The following KRT86 variants were observed in gnomAD, a reference collection of about 807,000 sequenced individuals.
KRT86 encodes keratin, type II cuticular Hb6.
A neutral mutation model predicts 41.2 loss-of-function variants in KRT86; 30 were observed. The ratio of observed to expected loss-of-function variants is 0.73; its 90% confidence interval spans 0.54 to 0.99. The LOEUF is 0.99. Ranked by LOEUF, KRT86 falls within the 50% of genes least tolerant of loss-of-function variation. The pLI, the probability that KRT86 is intolerant of heterozygous loss-of-function variation, is 0.00. For synonymous variants in KRT86, 238 were observed against 238.1 expected (o/e 1.00, Z 0.00); for missense variants, 561 against 571.4 (o/e 0.98, Z 0.19).
At chr12:52,298,874 G>C (rs1938309277) in intron 2 of KRT86, among the ~76,000 whole-genome samples, 1 of 152,044 alleles carries the variant, frequency 6.6e-6, no homozygotes, top group Non-Finnish European at 1.5e-5. Context: ...GATATTTTGA[G>C]ATAAGCATAA....
intron 2 of KRT86, among the ~76,000 whole-genome samples, chr12:52,280,697 T>G (rs1021505353): frequency 6.6e-6 from 1 of 152,210 alleles, no homozygotes. Flanking sequence ...ACATCAGCCC[T>G]GGTTGATAAA....
chr12:52,302,792 A>ATAG (rs1339266592), intron 3 of KRT86, among the ~76,000 whole-genome samples: 3 of 144,262 alleles, frequency 2.1e-5, no homozygotes, highest in African/African-American at 2.6e-5. Context: ...ACCTAGTTTC[A>ATAG]TAGTGAGGGA....
intron 9 of KRT86, 35 bp from the exon 10 acceptor site, chr12:52,308,198 C>T (rs925684181): frequency 3.1e-6 from 5 of 1,614,092 alleles, no homozygotes; most frequent in Non-Finnish European, 4.2e-6. Flanking sequence ...GGCGCCTTTT[C>T]CGCGGCACTG....
chr12:52,277,718 T>G (rs1251694255), intron 2 of KRT86: 3 of 152,840 alleles, frequency 2.0e-5, no homozygotes. Flanking sequence ...TGCTGGAGGG[T>G]GAAGAGAGTG....
At chr12:52,301,269 A>G (rs1565747166) in intron 2 of KRT86, among the ~76,000 whole-genome samples, 1 of 151,926 alleles carries the variant, frequency 6.6e-6, no homozygotes, top group Admixed American at 6.6e-5. Flanking sequence ...GAGAGAAAAA[A>G]ACATGTTGAT....
rs200241229 is a variant in KRT86 at position 52,283,470 on chromosome 12, ATTTTTTTTT to A, written c.-5+7541_-5+7549del. 9.4e-3 allele frequency among the ~76,000 whole-genome samples: 617 copies of A among 65,406 alleles called. 9 individuals carry two copies. The highest frequency in any genetic ancestry group is 0.043 in the African/African-American group (590 of 13,766). 42.9% of individuals were successfully genotyped at this position (65,406 alleles called of 152,430 possible). On this transcript the variant is annotated intron_variant, in intron 2 of 10. Coordinates refer to ENST00000423955, the MANE Select transcript of KRT86 (RefSeq NM_001320198.2). ...ATGTTAGTAGCCACCTAATCCAAGCATTTTTTTTTTTTTTTTTTTTTTTTTGAGACAGAG... is the reference window on the plus strand; with the variant it reads ...ATGTTAGTAGCCACCTAATCCAAGCATTTTTTTTTTTTTTTTGAGACAGAG...
chr12:52,286,375 G>T (rs759867430), intron 2 of KRT86: 14 of 1,555,306 alleles, frequency 9.0e-6, no homozygotes, highest in Non-Finnish European at 8.7e-7. Flanking sequence ...GCGCACACAG[G>T]CCGGTGCTCA....
chr12:52,294,237 A>G (rs1938199434), intron 2 of KRT86, among the ~76,000 whole-genome samples: 2 of 152,212 alleles, frequency 1.3e-5, no homozygotes, highest in African/African-American at 4.8e-5. Flanking sequence ...GAGTCAAAGT[A>G]CATCTCATCC....
chr12:52,296,978 G>A (rs1392568533), intron 2 of KRT86, among the ~76,000 whole-genome samples: 1 of 152,198 alleles, frequency 6.6e-6, no homozygotes, highest in Non-Finnish European at 1.5e-5. Flanking sequence ...GCCTCAACCG[G>A]CATTCTCCCT....
At chr12:52,302,775 G>A (rs1938412023) in intron 3 of KRT86, among the ~76,000 whole-genome samples, 1 of 142,876 alleles carries the variant, frequency 7.0e-6, no homozygotes, top group Non-Finnish European at 1.5e-5. Flanking sequence ...TGTGTGGGTT[G>A]CTGATCACCT....
At chr12:52,278,773 C>T (rs2121194823) in intron 2 of KRT86, among the ~76,000 whole-genome samples, 1 of 152,180 alleles carries the variant, frequency 6.6e-6, no homozygotes, top group Non-Finnish European at 1.5e-5. Context: ...CCTTGGCGTG[C>T]CTCCTCTTGA....
intron 5 of KRT86, 133 bp from the exon 6 acceptor site, chr12:52,304,799 G>A (rs1226343984): frequency 2.0e-6 from 2 of 1,023,322 alleles, no homozygotes; most frequent in African/African-American, 3.2e-5. Context: ...AGGGCCAGAA[G>A]GGAAGGAGAG....
rs1319236091 is a variant in KRT86, at chr12:52,306,233, C to T, written c.1200C>T (p.Asp400=). 6.2e-7 allele frequency: 1 copy of T among 1,613,718 alleles called. No homozygotes were observed. Among genetic ancestry groups the T allele is most frequent in the South Asian group, 1.1e-5 (1 of 91,060 alleles). ...QEVMNSKLGL[D]IEIATYRRLL... Reference sequence around the variant, plus strand: ...TGATGAACTCCAAGCTGGGCCTGGACATCGAGATCGCCACCTACAGGCGCC... The same window carrying T: ...TGATGAACTCCAAGCTGGGCCTGGATATCGAGATCGCCACCTACAGGCGCC... Residue 400 remains aspartate (D), a synonymous_variant, in exon 9 of 11, where the codon GAC becomes GAT. Coordinates refer to ENST00000423955, the MANE Select transcript of KRT86 (RefSeq NM_001320198.2).
intron 8 of KRT86, 120 bp from the exon 9 acceptor site, chr12:52,305,940 T>C (rs1205836354): frequency 7.6e-6 from 12 of 1,570,156 alleles, no homozygotes; most frequent in Non-Finnish European, 8.7e-7. Flanking sequence ...TCCCAGGTGA[T>C]GAAGGCAAGA....
intron 2 of KRT86, among the ~76,000 whole-genome samples, chr12:52,299,834 C>T (rs1938332647): frequency 6.6e-6 from 1 of 152,158 alleles, no homozygotes; most frequent in Non-Finnish European, 1.5e-5. Flanking sequence ...TTATATATTG[C>T]AGCTACGAAT....
intron 2 of KRT86, among the ~76,000 whole-genome samples, chr12:52,284,444 C>T (rs1321299041): frequency 1.3e-5 from 2 of 152,188 alleles, no homozygotes; most frequent in Non-Finnish European, 2.9e-5. Context: ...TTCACCTTGG[C>T]CTCCTAAAGT....
chr12:52,278,838 C>T (rs781457449), intron 2 of KRT86: 1 of 152,006 alleles, frequency 6.6e-6, no homozygotes, highest in Non-Finnish European at 1.5e-5. Flanking sequence ...CCCTCTGTGC[C>T]TCTCCTTTTG....
chr12:52,279,388 G>A (rs1718490108), intron 2 of KRT86, among the ~76,000 whole-genome samples: 1 of 152,206 alleles, frequency 6.6e-6, no homozygotes, highest in African/African-American at 2.4e-5. Context: ...CAGCTTACAG[G>A]ACTATGACTG....
At chr12:52,287,692 C>G in intron 2 of KRT86, 2 of 1,614,018 alleles carry the variant, frequency 1.2e-6, no homozygotes, top group Non-Finnish European at 1.7e-6. Context: ...TCTCCCCGTG[C>G]CTGATCACCG....
Sources: allele counts gnomAD v4.1 joint callset (sites outside exome capture counted in the v4.1 genomes callset), GRCh38; gene constraint gnomAD v4.1.1; transcripts MANE v1.5; gene names NCBI Gene and HGNC (gene_info 2026-07-23, HGNC 2026-07-21).